The following RBM19 variants were observed in gnomAD, a reference collection of about 807,000 sequenced individuals.
RBM19 encodes the protein probable RNA-binding protein 19.
A neutral mutation model predicts 116.8 loss-of-function variants in RBM19; 94 were observed. That is an observed-to-expected ratio of 0.80 (90% confidence interval 0.68 to 0.95). The LOEUF is 0.95. Among genes scored for constraint, RBM19 ranks in the 40% least tolerant of loss-of-function variants. RBM19 has a pLI of 0.00. For synonymous variants in RBM19, 475 were observed against 494.1 expected (o/e 0.96, Z 0.51); for missense variants, 1,161 against 1,220.7 (o/e 0.95, Z 0.73).
chr12:113,882,696 T>C (rs144311865), intron 21 of RBM19, among the ~76,000 whole-genome samples: 11 of 152,308 alleles, frequency 7.2e-5, no homozygotes, highest in Admixed American at 2.6e-4. Flanking sequence ...AAGGAGCGGC[T>C]TGGGGTATCT....
chr12:113,867,708 G>T (rs1878927162), intron 21 of RBM19, among the ~76,000 whole-genome samples: 1 of 152,168 alleles, frequency 6.6e-6, no homozygotes, highest in Non-Finnish European at 1.5e-5. Flanking sequence ...ATAACTTGGG[G>T]TTAGGAGTAC....
chr12:113,920,332 C>A (rs985267846), intron 19 of RBM19, among the ~76,000 whole-genome samples: 4 of 152,198 alleles, frequency 2.6e-5, no homozygotes, highest in Admixed American at 2.6e-4. Flanking sequence ...GAGGGGCCCA[C>A]GTGAGCAACC....
In RBM19 at chr12:113,863,081, G is replaced by C. The variant is rs189947749; in HGVS notation, c.2559-4185C>G. Among the ~76,000 whole-genome samples the C allele has an allele frequency of 7.4e-3, 1,124 of 152,158 alleles. 12 individuals carry two copies. The highest frequency in any genetic ancestry group is 0.022 in the African/African-American group (909 of 41,494). On this transcript the variant is annotated intron_variant, in intron 21 of 23. Transcript: ENST00000261741. ...GTGGTGGGGGGAGAGAAGGGAGGAG[G>C]GGGGAGGAGGTGGGATGGGGCTCCG...
chr12:113,872,350 G>A (rs1343724112), intron 21 of RBM19, among the ~76,000 whole-genome samples: 7 of 151,024 alleles, frequency 4.6e-5, no homozygotes, highest in African/African-American at 7.3e-5. Context: ...TCTGAGAAGT[G>A]AGGAGCCTCT....
At chr12:113,921,620 G>A (rs934830447) in intron 18 of RBM19, among the ~76,000 whole-genome samples, 1 of 152,132 alleles carries the variant, frequency 6.6e-6, no homozygotes, top group East Asian at 1.9e-4. Flanking sequence ...ACTGCATTAA[G>A]GAATTCCATT....
Position 113,858,691 on chromosome 12 carries a change from G to C in RBM19, c.2664+100C>G, listed in dbSNP as rs1255155549. On this transcript the variant is annotated intron_variant, in intron 22 of 23. Coordinates refer to ENST00000261741, the MANE Select transcript of RBM19 (RefSeq NM_016196.4). ...AGGCAAAAAAAGAACACCTGCATGG[G>C]GAGGTGACTCTGTGTGTGTTAGAGG... 5 of 1,086,996 alleles carry C rather than the reference G, an allele frequency of 4.6e-6. No homozygotes were observed. The Admixed American group carries it at 9.3e-5, about 20-fold the overall frequency. The allele number at this position is 1,086,996 out of a possible 1,614,324, so 67.3% of individuals were successfully genotyped here.
rs529595675 is a variant in RBM19 at position 113,966,325 on chromosome 12, C to T, written c.-98G>A. 1.2e-5 allele frequency: 18 copies of T among 1,488,944 alleles called. No individual in the cohort carries two copies. The highest frequency in any genetic ancestry group is 1.7e-4 in the Middle Eastern group (1 of 5,856). The allele number at this position is 1,488,944 out of a possible 1,614,324, so 92.2% of individuals were successfully genotyped here. ...CTGGGCGCCGCCATCTTTACCGAGC[C>T]GGAACACAGTCACGTGGCTGAGACC... is the stretch of plus-strand genomic sequence containing the variant. On this transcript the variant is annotated 5_prime_UTR_variant, in exon 1 of 24. Transcript: ENST00000261741.
At chr12:113,964,324 T>C (rs1397885090) in intron 1 of RBM19, among the ~76,000 whole-genome samples, 6 of 152,246 alleles carry the variant, frequency 3.9e-5, no homozygotes, top group Non-Finnish European at 4.4e-5. Context: ...CACAGGGATA[T>C]GGTGAGGATT....
chr12:113,928,624 G>GGT lies in RBM19; in HGVS notation c.2069-1396_2069-1395insAC, dbSNP rs757641377. ...GATGTGAAGTTGTGAGTTAGCAAGGGATGTGTGTGTGTGTGTGTGTGTGTG... is the reference window on the plus strand; with the variant it reads ...GATGTGAAGTTGTGAGTTAGCAAGGGGTATGTGTGTGTGTGTGTGTGTGTGTG... On this transcript the variant is annotated intron_variant, in intron 16 of 23. Transcript: ENST00000261741. Among the ~76,000 whole-genome samples the GGT allele has an allele frequency of 2.5e-3, 136 of 54,304 alleles. 2 individuals are homozygous for GGT. The highest frequency in any genetic ancestry group is 9.6e-3 in the East Asian group (5 of 520). The allele number at this position is 54,304 out of a possible 152,430, so 35.6% of individuals were successfully genotyped here.
In RBM19 at chr12:113,957,916, A is replaced by G. The variant is rs369237140; in HGVS notation, c.706T>C (p.Cys236Arg). ...EEESEDEAVH[C>R]DEGSEAEEED... Reference sequence around the variant, plus strand: ...TCCTCGGCCTCACTCCCTTCATCACAGTGCACGGCTTCATCTTCACTTTCC... The same window carrying G: ...TCCTCGGCCTCACTCCCTTCATCACGGTGCACGGCTTCATCTTCACTTTCC... Residue 236 changes from cysteine to arginine, a missense_variant, in exon 6 of 24, where the codon TGT becomes CGT. Coordinates refer to ENST00000261741, the MANE Select transcript of RBM19 (RefSeq NM_016196.4). 6 of 1,613,978 alleles carry G rather than the reference A, an allele frequency of 3.7e-6. No individual in the cohort carries two copies. The African/African-American group carries it at 8.0e-5, about 22-fold the overall frequency.
chr12:113,842,011 G>C (rs1181289035), intron 23 of RBM19, among the ~76,000 whole-genome samples: 1 of 152,208 alleles, frequency 6.6e-6, no homozygotes, highest in Non-Finnish European at 1.5e-5. Context: ...GGGGCTAATA[G>C]TGTCCATCTC....
intron 18 of RBM19, among the ~76,000 whole-genome samples, chr12:113,921,573 C>T (rs879200920): frequency 6.6e-6 from 1 of 152,162 alleles, no homozygotes; most frequent in Non-Finnish European, 1.5e-5. Context: ...ATGCTCCTGC[C>T]TTTCCATTGA....
chr12:113,860,589 G>A (rs1878285075), intron 21 of RBM19, among the ~76,000 whole-genome samples: 1 of 152,198 alleles, frequency 6.6e-6, no homozygotes, highest in Non-Finnish European at 1.5e-5. Flanking sequence ...GACCAGGCTG[G>A]GTGCTTTCTC....
intron 21 of RBM19, among the ~76,000 whole-genome samples, chr12:113,879,446 T>TATATATATATACAC (rs893952657): frequency 7.0e-6 from 1 of 142,332 alleles, no homozygotes; most frequent in East Asian, 3.0e-4. Flanking sequence ...TATATATATA[T>TATATATATATACAC]ATATGGACTT....
At chr12:113,844,923 C>A in intron 22 of RBM19, 135 bp from the exon 23 acceptor site, 1 of 1,293,378 alleles carries the variant, frequency 7.7e-7, no homozygotes, top group Non-Finnish European at 1.0e-6. Flanking sequence ...TGATCTCCAG[C>A]GAGGGTTTGG....
intron 21 of RBM19, among the ~76,000 whole-genome samples, chr12:113,914,047 A>T (rs552446395): frequency 6.6e-6 from 1 of 152,200 alleles, no homozygotes; most frequent in East Asian, 1.9e-4. Flanking sequence ...GGTGGTGCCT[A>T]CCTAATCTGA....
chr12:113,946,056 G>T, intron 12 of RBM19, 132 bp from the exon 13 acceptor site: 2 of 867,432 alleles, frequency 2.3e-6, no homozygotes, highest in Non-Finnish European at 3.6e-6. Flanking sequence ...CCTATCATGG[G>T]CTACGTATAC....
At chr12:113,859,016 G>A in intron 21 of RBM19, 120 bp from the exon 22 acceptor site, 2 of 814,004 alleles carry the variant, frequency 2.5e-6, no homozygotes, top group Admixed American at 2.1e-5. Flanking sequence ...GTGCATGCAG[G>A]CACACACACG....
intron 21 of RBM19, among the ~76,000 whole-genome samples, chr12:113,892,764 C>G (rs1336085989): frequency 6.6e-6 from 1 of 152,142 alleles, no homozygotes; most frequent in African/African-American, 2.4e-5. Flanking sequence ...ATGAAACACC[C>G]TCCTCGCCCT....
Sources: gnomAD v4.1 joint callset for allele counts (sites outside exome capture counted in the v4.1 genomes callset) on GRCh38, gnomAD v4.1.1 for gene constraint, MANE v1.5 for transcripts, NCBI Gene and HGNC (gene_info 2026-07-23, HGNC 2026-07-21) for gene names.